Variants in LRRTM4 observed in about 807,000 individuals in gnomAD.
The protein encoded by LRRTM4 is leucine-rich repeat transmembrane neuronal protein 4.
In LRRTM4, 25 loss-of-function variants were observed where a neutral mutation model predicts 47.6. The ratio of observed to expected loss-of-function variants is 0.53; its 90% confidence interval spans 0.38 to 0.73. LRRTM4 has a LOEUF of 0.73. LRRTM4 is among the 30% of genes least tolerant of loss of function. The pLI, the probability that LRRTM4 is intolerant of heterozygous loss-of-function variation, is 0.00. For synonymous variants in LRRTM4, 311 were observed against 269.5 expected, an observed-to-expected ratio of 1.15 and a Z score of -1.51; for missense variants, 638 against 713.4, an observed-to-expected ratio of 0.89 and a Z score of 1.20.
intron 3 of LRRTM4, among the ~76,000 whole-genome samples, chr2:77,470,013 C>T (rs1384763153): frequency 2.0e-5 from 3 of 152,188 alleles, no homozygotes; most frequent in East Asian, 3.9e-4. Context: ...TTATAAACTA[C>T]TTTGAAAGGC....
chr2:77,491,255 C>G lies in LRRTM4; in HGVS notation c.1551+27063G>C, dbSNP rs371519493. On this transcript the variant is annotated intron_variant, in intron 3 of 3. Coordinates refer to ENST00000409884, the MANE Select transcript of LRRTM4 (RefSeq NM_001134745.3). ...GCCTGAATGAGGAAGAATCAGTAAACAAAGACAGAAAATATTGAACAACTG... is the reference window on the plus strand; with the variant it reads ...GCCTGAATGAGGAAGAATCAGTAAAGAAAGACAGAAAATATTGAACAACTG... 1.3e-4 allele frequency among the ~76,000 whole-genome samples: 19 copies of G among 150,938 alleles called. No homozygotes were observed. The East Asian group carries it at 1.4e-3, about 11-fold the overall frequency.
chr2:77,498,680 TA>T lies in LRRTM4; in HGVS notation c.1551+19637del, dbSNP rs1402435146. Among the ~76,000 whole-genome samples, 9 of 151,918 alleles carry T rather than the reference TA, an allele frequency of 5.9e-5. No individual in the cohort carries two copies. In the South Asian group the frequency reaches 1.7e-3, roughly 28 times the overall value. On this transcript the variant is annotated intron_variant, in intron 3 of 3. Coordinates refer to ENST00000409884, the MANE Select transcript of LRRTM4 (RefSeq NM_001134745.3). ...GTATTTTCTCTAGCATGTACTTACT[TA>T]CTCCTAACATTGCCTCACCATATCC...
intron 3 of LRRTM4, among the ~76,000 whole-genome samples, chr2:77,044,420 T>A (rs892397875): frequency 6.6e-6 from 1 of 151,772 alleles, no homozygotes; most frequent in Non-Finnish European, 1.5e-5. Context: ...CTAACTTCTA[T>A]CCTATTCTCT....
At chr2:77,264,782 A>G (rs1484560450) in intron 3 of LRRTM4, among the ~76,000 whole-genome samples, 1 of 152,138 alleles carries the variant, frequency 6.6e-6, no homozygotes, top group African/African-American at 2.4e-5. Context: ...CAACACAATT[A>G]GAATGAAATG....
intron 3 of LRRTM4, among the ~76,000 whole-genome samples, chr2:77,233,908 C>A (rs1675036037): frequency 6.6e-6 from 1 of 152,116 alleles, no homozygotes; most frequent in Admixed American, 6.6e-5. Flanking sequence ...AGCGAGTCTC[C>A]CACCTCAGCC....
intron 3 of LRRTM4, among the ~76,000 whole-genome samples, chr2:77,446,007 T>A (rs1676036207): frequency 6.6e-6 from 1 of 152,062 alleles, no homozygotes; most frequent in Non-Finnish European, 1.5e-5. Flanking sequence ...GCAAAAAATA[T>A]GGAGCATGTT....
intron 3 of LRRTM4, among the ~76,000 whole-genome samples, chr2:77,061,164 C>T (rs535423596): frequency 1.3e-5 from 2 of 151,598 alleles, no homozygotes; most frequent in Non-Finnish European, 2.9e-5. Flanking sequence ...TTTAGTAGTC[C>T]TTCTTATATC....
At chr2:77,205,762 A>G (rs2103909525) in intron 3 of LRRTM4, among the ~76,000 whole-genome samples, 1 of 152,318 alleles carries the variant, frequency 6.6e-6, no homozygotes, top group South Asian at 2.1e-4. Flanking sequence ...GAATGTACCC[A>G]TTATATTATG....
At chr2:77,457,831 A>G (rs1573442379) in intron 3 of LRRTM4, among the ~76,000 whole-genome samples, 1 of 152,190 alleles carries the variant, frequency 6.6e-6, no homozygotes, top group Admixed American at 6.5e-5. Context: ...ATCACCTGGC[A>G]CCTTCTTATC....
chr2:76,912,159 TC>T (rs1038812190), intron 3 of LRRTM4, among the ~76,000 whole-genome samples: 1 of 151,842 alleles, frequency 6.6e-6, no homozygotes, highest in African/African-American at 2.4e-5. Context: ...GACCTTGTGA[TC>T]CCCCCGCCTC....
intron 3 of LRRTM4, among the ~76,000 whole-genome samples, chr2:76,866,352 T>C (rs534581841): frequency 2.6e-5 from 4 of 152,350 alleles, no homozygotes; most frequent in South Asian, 4.1e-4. Flanking sequence ...AGTGATCTCA[T>C]CTTGAACATT....
intron 3 of LRRTM4, among the ~76,000 whole-genome samples, chr2:76,871,151 T>C (rs545229541): frequency 2.0e-5 from 3 of 152,274 alleles, no homozygotes; most frequent in Admixed American, 6.5e-5. Flanking sequence ...AGAACAAACA[T>C]TGTCCAAATT....
chr2:77,076,936 T>TC (rs1680356880), intron 3 of LRRTM4, among the ~76,000 whole-genome samples: 1 of 152,082 alleles, frequency 6.6e-6, no homozygotes, highest in Non-Finnish European at 1.5e-5. Flanking sequence ...CCCCTGTATT[T>TC]CCCCTAGCAG....
intron 3 of LRRTM4, among the ~76,000 whole-genome samples, chr2:77,082,998 G>T (rs1179228809): frequency 6.6e-6 from 1 of 151,916 alleles, no homozygotes; most frequent in African/African-American, 2.4e-5. Context: ...GATATTTTCA[G>T]TTTTCTTGTT....
At chr2:76,980,613 T>C (rs1177401086) in intron 3 of LRRTM4, among the ~76,000 whole-genome samples, 1 of 151,908 alleles carries the variant, frequency 6.6e-6, no homozygotes, top group Non-Finnish European at 1.5e-5. Flanking sequence ...TAGCCTGGTA[T>C]GTTGGCAAGC....
At chr2:76,807,421 TATAC>T (rs1245246712) in intron 3 of LRRTM4, among the ~76,000 whole-genome samples, 14 of 70,190 alleles carry the variant, frequency 2.0e-4, no homozygotes, top group East Asian at 1.1e-3. Context: ...TATATATATA[TATAC>T]ATATATATAT....
intron 3 of LRRTM4, among the ~76,000 whole-genome samples, chr2:77,026,862 T>G (rs577674477): frequency 4.8e-4 from 73 of 152,198 alleles, no homozygotes; most frequent in African/African-American, 1.7e-3. Context: ...ATAATGCAAA[T>G]AAGTATTAAA....
intron 3 of LRRTM4, among the ~76,000 whole-genome samples, chr2:77,384,664 T>C (rs1001157499): frequency 6.6e-6 from 1 of 152,010 alleles, no homozygotes; most frequent in Non-Finnish European, 1.5e-5. Flanking sequence ...AAAGAAAAGA[T>C]AGAACCCAAA....
At chr2:77,394,724 G>C (rs1288520503) in intron 3 of LRRTM4, among the ~76,000 whole-genome samples, 2 of 151,906 alleles carry the variant, frequency 1.3e-5, no homozygotes, top group African/African-American at 4.8e-5. Flanking sequence ...TTCACTTTGG[G>C]GTAGAGACTT....
Sources: gnomAD v4.1 joint callset for allele counts (sites outside exome capture counted in the v4.1 genomes callset) on GRCh38, gnomAD v4.1.1 for gene constraint, MANE v1.5 for transcripts, NCBI Gene and HGNC (gene_info 2026-07-23, HGNC 2026-07-21) for gene names.